Variants in CEP128 observed in about 807,000 individuals in gnomAD.
CEP128 encodes the protein centrosomal protein 128, also known as centrosomal protein 128kDa.
Under a neutral mutation model 156.7 loss-of-function variants are expected in CEP128, and 132 were observed. The observed-to-expected ratio is 0.84, with a 90% confidence interval of 0.73 to 0.97. CEP128 has a LOEUF of 0.97. Ranked by LOEUF, CEP128 falls within the 50% of genes least tolerant of loss-of-function variation. The pLI is 0.00. For missense variants in CEP128, 1,252 were observed against 1,281.9 expected, an observed-to-expected ratio of 0.98 and a Z score of 0.36; for synonymous variants, 469 against 448.9, an observed-to-expected ratio of 1.04 and a Z score of -0.57.
intron 19 of CEP128, among the ~76,000 whole-genome samples, chr14:80,717,348 C>T (rs1292222703): frequency 1.3e-5 from 2 of 152,104 alleles, no homozygotes; most frequent in African/African-American, 4.8e-5. Context: ...AAGGCTATAA[C>T]ATTTAAAACT....
chr14:80,704,833 T>C (rs2371336), intron 19 of CEP128, among the ~76,000 whole-genome samples: 52,083 of 151,668 alleles, frequency 0.34, 9,225 homozygotes, highest in South Asian at 0.5. Context: ...TTTTTCCTTT[T>C]TTAAACTCTT....
intron 16 of CEP128, among the ~76,000 whole-genome samples, chr14:80,764,045 A>G (rs1423060688): frequency 6.6e-6 from 1 of 152,094 alleles, no homozygotes; most frequent in Non-Finnish European, 1.5e-5. Context: ...ACTTCCCTCA[A>G]AGCCAACTCT....
chr14:80,561,532 C>A (rs1452915274), intron 20 of CEP128, among the ~76,000 whole-genome samples: 1 of 152,124 alleles, frequency 6.6e-6, no homozygotes, highest in Admixed American at 6.5e-5. Context: ...AGCCTTTGGG[C>A]AGTATCATAT....
chr14:80,750,020 T>C (rs946554261), intron 18 of CEP128, among the ~76,000 whole-genome samples: 1 of 152,192 alleles, frequency 6.6e-6, no homozygotes, highest in Non-Finnish European at 1.5e-5. Flanking sequence ...ACATTTACAG[T>C]TGACCACAGA....
intron 11 of CEP128, among the ~76,000 whole-genome samples, chr14:80,837,559 A>T (rs1886144694): frequency 1.3e-5 from 2 of 152,122 alleles, no homozygotes; most frequent in Non-Finnish European, 2.9e-5. Context: ...TTCCTAAAAA[A>T]ACAAAACATT....
At chr14:80,599,265 C>CTTTTTTTTT (rs375136337) in intron 19 of CEP128, among the ~76,000 whole-genome samples, 2 of 85,406 alleles carry the variant, frequency 2.3e-5, no homozygotes, top group African/African-American at 4.8e-5. Context: ...CAGTCATATT[C>CTTTTTTTTT]TTTTTTTTTT....
Position 80,743,162 on chromosome 14 carries a change from C to A in CEP128, c.2719G>T (p.Glu907Ter). The change falls in exon 19 of 25, where the codon GAA becomes TAA. Residue 907 changes from glutamate to a stop codon, truncating the protein, a stop_gained. Transcript: ENST00000555265. LOFTEE classifies it high-confidence loss of function. Reference sequence around the variant, plus strand: ...CACTGCAACTCAGATTCCTTGTTTTCAGTCAAATTCCTGAGTTGTTGTCTG... The same window carrying A: ...CACTGCAACTCAGATTCCTTGTTTTAAGTCAAATTCCTGAGTTGTTGTCTG... ...LCRQQLRNLT[E>*]NKESELQCLF... 6.2e-7 allele frequency: 1 copy of A among 1,613,738 alleles called. No homozygotes were observed. Among genetic ancestry groups the A allele is most frequent in the Non-Finnish European group, 8.5e-7 (1 of 1,179,802 alleles).
At chr14:80,917,597 G>A (rs974917607) in intron 2 of CEP128, among the ~76,000 whole-genome samples, 1 of 152,158 alleles carries the variant, frequency 6.6e-6, no homozygotes, top group Middle Eastern at 3.4e-3. Flanking sequence ...GCAGTGGCAC[G>A]ATCTCAGCTT....
chr14:80,920,344 G>GC (rs1884790194), intron 2 of CEP128, among the ~76,000 whole-genome samples: 1 of 152,150 alleles, frequency 6.6e-6, no homozygotes, highest in Non-Finnish European at 1.5e-5. Context: ...GCTGAAGTTG[G>GC]CAAGAGGCTC....
chr14:80,918,492 C>T (rs1028769750), intron 2 of CEP128, among the ~76,000 whole-genome samples: 6 of 152,178 alleles, frequency 3.9e-5, no homozygotes, highest in African/African-American at 1.4e-4. Flanking sequence ...ACACTATTAA[C>T]CCCTAATTCA....
At chr14:80,716,615 G>A (rs1056943198) in intron 19 of CEP128, among the ~76,000 whole-genome samples, 1 of 152,204 alleles carries the variant, frequency 6.6e-6, no homozygotes, top group Non-Finnish European at 1.5e-5. Context: ...TCCACTGTAT[G>A]ACTATACCAT....
At chr14:80,836,399 G>A in intron 11 of CEP128, 62 bp from the exon 12 acceptor site, 2 of 1,588,648 alleles carry the variant, frequency 1.3e-6, no homozygotes, top group African/African-American at 1.3e-5. Context: ...TACTTCAAAT[G>A]GGCTATTGTA....
intron 19 of CEP128, among the ~76,000 whole-genome samples, chr14:80,622,875 T>C (rs1471496396): frequency 6.7e-6 from 1 of 149,924 alleles, no homozygotes; most frequent in African/African-American, 2.4e-5. Flanking sequence ...TGTAAACTAG[T>C]TCAACCATTG....
downstream of CEP128, among the ~76,000 whole-genome samples, chr14:80,490,263 A>T (rs8020992): frequency 0.47 from 71,682 of 151,700 alleles, 18,113 homozygotes; most frequent in East Asian, 0.68. Context: ...AGAGATTGAA[A>T]TGTCAAGGAA....
intron 14 of CEP128, among the ~76,000 whole-genome samples, chr14:80,790,953 T>C (rs2139835968): frequency 6.6e-6 from 1 of 152,272 alleles, no homozygotes; most frequent in Non-Finnish European, 1.5e-5. Context: ...ATAATTTTTA[T>C]TTTAATACAC....
intron 19 of CEP128, among the ~76,000 whole-genome samples, chr14:80,653,184 G>A (rs913533467): frequency 3.3e-5 from 5 of 152,072 alleles, no homozygotes; most frequent in African/African-American, 1.2e-4. Context: ...AGGGCCTGTC[G>A]GGAGGTGGGT....
chr14:80,794,271 A>G (rs1300342381), intron 13 of CEP128, among the ~76,000 whole-genome samples: 1 of 152,232 alleles, frequency 6.6e-6, no homozygotes, highest in Non-Finnish European at 1.5e-5. Flanking sequence ...GGCTCAAATA[A>G]GGTTAAATAT....
At chr14:80,705,902 T>A (rs749523332) in intron 19 of CEP128, among the ~76,000 whole-genome samples, 7 of 152,112 alleles carry the variant, frequency 4.6e-5, no homozygotes, top group African/African-American at 1.4e-4. Context: ...AAATTTATAG[T>A]AATAAAATGG....
chr14:80,890,883 C>T (rs1047152279), intron 8 of CEP128, among the ~76,000 whole-genome samples: 1 of 151,998 alleles, frequency 6.6e-6, no homozygotes, highest in Non-Finnish European at 1.5e-5. Context: ...ATTTTTAAAT[C>T]GGCAAAAGAA....
Sources: gnomAD v4.1 joint callset for allele counts (sites outside exome capture counted in the v4.1 genomes callset) on GRCh38, gnomAD v4.1.1 for gene constraint, MANE v1.5 for transcripts, NCBI Gene and HGNC (gene_info 2026-07-23, HGNC 2026-07-21) for gene names.